Variants in ITPR2 observed in about 807,000 individuals in gnomAD.
ITPR2 encodes inositol 1,4,5-trisphosphate receptor type 2, also known as inositol 1,4,5-trisphosphate-gated calcium channel ITPR2.
Under a neutral mutation model 317.1 loss-of-function variants are expected in ITPR2, and 207 were observed. That is an observed-to-expected ratio of 0.65 (90% CI 0.58 to 0.73). ITPR2 has a LOEUF of 0.73. ITPR2 is among the 30% of genes least tolerant of loss of function. ITPR2 has a pLI of 0.00. For missense variants in ITPR2, 2,613 were observed against 3,284.0 expected, an observed-to-expected ratio of 0.80 and a Z score of 4.99; for synonymous variants, 1,156 against 1,149.1, an observed-to-expected ratio of 1.01 and a Z score of -0.12.
chr12:26,439,176 C>T lies in ITPR2; in HGVS notation c.6594G>A (p.Gln2198=). ...EQGSKVNDFF[Q]QTEDLYNEMK... ...TTTCATTGTAGAGATCTTCTGTTTG[C>T]TGGAAAAAGTCATTCACTTTACTTC... The change falls in exon 47 of 57, where the codon CAG becomes CAA. Residue 2198 remains glutamine (Q), a synonymous_variant. Coordinates refer to ENST00000381340, the MANE Select transcript of ITPR2 (RefSeq NM_002223.4). 6.2e-7 allele frequency: 1 copy of T among 1,611,942 alleles called. No individual in the cohort carries two copies. The highest frequency in any genetic ancestry group is 1.3e-5 in the African/African-American group (1 of 74,974).
At chr12:26,354,004 T>C (rs1434689960) in intron 55 of ITPR2, among the ~76,000 whole-genome samples, 1 of 152,212 alleles carries the variant, frequency 6.6e-6, no homozygotes, top group African/African-American at 2.4e-5. Flanking sequence ...CCAGGTGCAG[T>C]GGCTCATGCA....
intron 24 of ITPR2, among the ~76,000 whole-genome samples, chr12:26,622,826 C>T (rs1376990933): frequency 5.3e-5 from 8 of 152,178 alleles, no homozygotes; most frequent in Admixed American, 2.6e-4. Context: ...GGGAGGCCAG[C>T]GCACATGTGC....
chr12:26,539,392 A>G (rs892807640), intron 37 of ITPR2, among the ~76,000 whole-genome samples: 1 of 151,860 alleles, frequency 6.6e-6, no homozygotes, highest in Non-Finnish European at 1.5e-5. Context: ...AAATGCTGCC[A>G]TGTTCTCCTG....
intron 28 of ITPR2, among the ~76,000 whole-genome samples, chr12:26,600,365 C>T (rs1346833781): frequency 6.6e-6 from 1 of 152,042 alleles, no homozygotes; most frequent in Non-Finnish European, 1.5e-5. Context: ...CCCTTCATTT[C>T]ACAGCCCTTC....
chr12:26,341,822 G>T (rs967173649), intron 55 of ITPR2, among the ~76,000 whole-genome samples: 1 of 152,200 alleles, frequency 6.6e-6, no homozygotes, highest in African/African-American at 2.4e-5. Context: ...GCTGCACACT[G>T]TGTGTATCAA....
At chr12:26,820,478 T>C (rs1047433054) in intron 1 of ITPR2, among the ~76,000 whole-genome samples, 2 of 152,018 alleles carry the variant, frequency 1.3e-5, no homozygotes, top group African/African-American at 4.8e-5. Context: ...TGATACACAA[T>C]GGATACAATA....
Position 26,772,415 on chromosome 12 carries a change from T to TATATATATTATCTATATAATATATATATA in ITPR2, c.163+17741_163+17742insTATATATATATTATATAGATAATATATAT, listed in dbSNP as rs1555189159. On this transcript the variant is annotated intron_variant, in intron 2 of 56. Transcript: ENST00000381340. ...ATTATATATATATAATATACACATT[T>TATATATATTATCTATATAATATATATATA]ATATATATTATATATAATACATGTA... 2.0e-3 allele frequency among the ~76,000 whole-genome samples: 247 copies of TATATATATTATCTATATAATATATATATA among 120,978 alleles called. 1 individual carries two copies. The highest frequency in any genetic ancestry group is 3.8e-3 in the Non-Finnish European group (205 of 54,250). 79.4% of individuals were successfully genotyped at this position (120,978 alleles called of 152,430 possible). A position where few individuals can be genotyped will look rare whatever the true frequency, so the allele number is the denominator to read the frequency against.
chr12:26,570,090 A>G (rs1469012255), intron 34 of ITPR2, among the ~76,000 whole-genome samples: 1 of 152,214 alleles, frequency 6.6e-6, no homozygotes, highest in Non-Finnish European at 1.5e-5. Flanking sequence ...TGTGATAAAT[A>G]TACATTGAGT....
In ITPR2 at chr12:26,398,882, T is replaced by C. The variant is rs1481446699; in HGVS notation, c.7690A>G (p.Ile2564Val). ...GCATCTGCCGAACACTTACCACAGA[T>C]GAAACAAGTTGTCTTTAGAATTTCT... Reference protein sequence around the residue: ...KEEILKTTCFICGLERDKFDN... With the variant: ...KEEILKTTCFVCGLERDKFDN... The change falls in exon 54 of 57, where the codon ATC (isoleucine) becomes GTC (valine). Residue 2564 changes from isoleucine to valine, a missense_variant. Physicochemically the swap from Ile to Val is conservative, Grantham distance 29. Coordinates refer to ENST00000381340, the MANE Select transcript of ITPR2 (RefSeq NM_002223.4). The C allele has an allele frequency of 6.2e-7, 1 of 1,610,058 alleles. No homozygotes were observed. Among genetic ancestry groups the C allele is most frequent in the East Asian group, 2.2e-5 (1 of 44,778 alleles).
rs1450079153 is a variant in ITPR2, at chr12:26,789,644, G to T, written c.163+513C>A. Among the ~76,000 whole-genome samples the T allele has an allele frequency of 1.8e-4, 28 of 151,954 alleles. 1 individual carries two copies. Among genetic ancestry groups the T allele is most frequent in the Admixed American group, 1.8e-3 (28 of 15,248 alleles). On this transcript the variant is annotated intron_variant, in intron 2 of 56. Transcript: ENST00000381340. ...TGAGTTATAATCAATCTCTTACTAG[G>T]ATCAATTTCTCATTTGAGGAAATTA...
rs554148478 is a variant in ITPR2 at position 26,475,534 on chromosome 12, T to C, written c.6220-116A>G. The C allele has an allele frequency of 4.7e-6, 5 of 1,059,022 alleles. No individual in the cohort carries two copies. The South Asian group carries it at 8.4e-5, about 18-fold the overall frequency. The allele number at this position is 1,059,022 out of a possible 1,614,324, so 65.6% of individuals were successfully genotyped here. ...AAGCCTCAAAAGTATAAAAGGACTCTAAATGAAAATGGCCTTGGAAACCAT... is the reference window on the plus strand; with the variant it reads ...AAGCCTCAAAAGTATAAAAGGACTCCAAATGAAAATGGCCTTGGAAACCAT... On this transcript the variant is annotated intron_variant, in intron 44 of 56. Coordinates refer to ENST00000381340, the MANE Select transcript of ITPR2 (RefSeq NM_002223.4).
chr12:26,598,335 T>C (rs1453313889), intron 30 of ITPR2, among the ~76,000 whole-genome samples: 4 of 152,172 alleles, frequency 2.6e-5, no homozygotes, highest in African/African-American at 9.7e-5. Context: ...TATGGAAATC[T>C]CCTCCATTCC....
At position 26,454,759 on chromosome 12, in the gene ITPR2, T is replaced by C. The variant is rs1941838135; in HGVS notation, c.6343-11109A>G. Among the ~76,000 whole-genome samples the C allele has an allele frequency of 2.6e-5, 4 of 152,146 alleles. No homozygotes were observed. The South Asian group carries it at 8.3e-4, about 32-fold the overall frequency. ...CTGCGGGGGTGGGGGTGGCTTATGA[T>C]GGACACTGAGAAATGACTTCTGGCT... On this transcript the variant is annotated intron_variant, in intron 45 of 56. Transcript: ENST00000381340.
chr12:26,525,955 C>G (rs1250552634), intron 37 of ITPR2, among the ~76,000 whole-genome samples: 1 of 152,212 alleles, frequency 6.6e-6, no homozygotes, highest in Non-Finnish European at 1.5e-5. Flanking sequence ...AGCATTCCTG[C>G]TAGGCTCCTC....
At chr12:26,788,579 T>C (rs1404422533) in intron 2 of ITPR2, among the ~76,000 whole-genome samples, 1 of 152,186 alleles carries the variant, frequency 6.6e-6, no homozygotes, top group African/African-American at 2.4e-5. Context: ...TCAGTGTGCC[T>C]CTTCCACCTG....
intron 35 of ITPR2, among the ~76,000 whole-genome samples, 191 bp from the exon 36 acceptor site, chr12:26,556,566 T>TTGTG (rs1555155168): frequency 0.076 from 10,273 of 136,028 alleles, 500 homozygotes; most frequent in Non-Finnish European, 0.099. Context: ...ATTTTTTTTT[T>TTGTG]TGTGTGTGTG....
chr12:26,448,701 C>G (rs1462588254), intron 45 of ITPR2, among the ~76,000 whole-genome samples: 1 of 152,038 alleles, frequency 6.6e-6, no homozygotes, highest in African/African-American at 2.4e-5. Context: ...GACATCCCCA[C>G]AGGAAAGACT....
intron 2 of ITPR2, among the ~76,000 whole-genome samples, chr12:26,731,342 C>A (rs1949025596): frequency 6.6e-6 from 1 of 152,128 alleles, no homozygotes; most frequent in African/African-American, 2.4e-5. Flanking sequence ...TTGTTTCTCT[C>A]TTTATGACAC....
intron 55 of ITPR2, among the ~76,000 whole-genome samples, chr12:26,361,365 T>C (rs531619858): frequency 2.0e-5 from 3 of 152,354 alleles, no homozygotes; most frequent in South Asian, 2.1e-4. Context: ...TTATATATCA[T>C]ATAAGATTTA....
Sources: allele counts gnomAD v4.1 joint callset (sites outside exome capture counted in the v4.1 genomes callset), GRCh38; gene constraint gnomAD v4.1.1; transcripts MANE v1.5; gene names NCBI Gene and HGNC (gene_info 2026-07-23, HGNC 2026-07-21).